ZCCHC7: variants seen among roughly 807,000 people sequenced by gnomAD.
ZCCHC7 encodes zinc finger CCHC domain-containing protein 7.
Under a neutral mutation model 52.0 loss-of-function variants are expected in ZCCHC7, and 35 were observed. The observed-to-expected ratio is 0.67, with a 90% CI of 0.51 to 0.89. ZCCHC7 has a LOEUF of 0.89. Among genes scored for constraint, ZCCHC7 ranks in the 40% least tolerant of loss-of-function variants. The probability of loss-of-function intolerance (pLI) is 0.00; values close to 1 mark genes in which losing one functional copy is unlikely to be tolerated. For missense variants in ZCCHC7, 574 were observed against 649.1 expected (o/e 0.88, Z 1.26); for synonymous variants, 217 against 221.5 (o/e 0.98, Z 0.18).
At chr9:37,224,789 C>T (rs946754889) in intron 2 of ZCCHC7, among the ~76,000 whole-genome samples, 7 of 152,194 alleles carry the variant, frequency 4.6e-5, no homozygotes, top group Non-Finnish European at 8.8e-5. Flanking sequence ...CTCCACAAAA[C>T]TCAATGAACC....
chr9:37,218,238 A>C (rs1279691752), intron 2 of ZCCHC7, among the ~76,000 whole-genome samples: 1 of 152,200 alleles, frequency 6.6e-6, no homozygotes, highest in Non-Finnish European at 1.5e-5. Flanking sequence ...GCAAAAAAAA[A>C]ATCTTTGTGG....
rs1564240432 is a variant in ZCCHC7, at chr9:37,304,183, C to G, written c.655-5C>G. ...TTTTTAATTCTTGATTTTTTTTTCC[C>G]TTAGGCCCAGATAGCTAATAACCGA... On this transcript the variant is annotated splice_region_variant and splice_polypyrimidine_tract_variant and intron_variant, in intron 3 of 8. Transcript: ENST00000336755. The G allele has an allele frequency of 6.3e-7, 1 of 1,589,320 alleles. No individual in the cohort carries two copies. The highest frequency in any genetic ancestry group is 8.5e-7 in the Non-Finnish European group (1 of 1,171,434).
chr9:37,159,913 CA>C (rs1250275244), intron 2 of ZCCHC7, among the ~76,000 whole-genome samples: 1 of 152,158 alleles, frequency 6.6e-6, no homozygotes, highest in South Asian at 2.1e-4. Flanking sequence ...AGACTAGGCT[CA>C]AAACTTAAAC....
chr9:37,136,998 G>C (rs1843023914), intron 2 of ZCCHC7, among the ~76,000 whole-genome samples: 1 of 152,060 alleles, frequency 6.6e-6, no homozygotes, highest in Non-Finnish European at 1.5e-5. Flanking sequence ...GACATTTTAT[G>C]ATCTGCTAGT....
chr9:37,332,859 T>G (rs2118287728), intron 6 of ZCCHC7, among the ~76,000 whole-genome samples: 1 of 151,788 alleles, frequency 6.6e-6, no homozygotes, highest in African/African-American at 2.4e-5. Flanking sequence ...TTTCCTCACA[T>G]AACATTTCCT....
At chr9:37,328,858 T>C (rs1830348484) in intron 6 of ZCCHC7, among the ~76,000 whole-genome samples, 1 of 151,984 alleles carries the variant, frequency 6.6e-6, no homozygotes, top group African/African-American at 2.4e-5. Flanking sequence ...ACCATTTAAT[T>C]TTTTTAAAGA....
chr9:37,290,506 G>A (rs1828483366), intron 2 of ZCCHC7, among the ~76,000 whole-genome samples: 1 of 151,982 alleles, frequency 6.6e-6, no homozygotes, highest in Admixed American at 6.6e-5. Context: ...AAATACTAAA[G>A]TTAGCCAAGT....
intron 2 of ZCCHC7, among the ~76,000 whole-genome samples, chr9:37,246,641 A>G (rs1826092508): frequency 6.6e-6 from 1 of 152,144 alleles, no homozygotes; most frequent in Non-Finnish European, 1.5e-5. Flanking sequence ...TTCTAAATTG[A>G]CATATTAAAA....
At chr9:37,189,435 G>A (rs1052479261) in intron 2 of ZCCHC7, among the ~76,000 whole-genome samples, 1 of 152,158 alleles carries the variant, frequency 6.6e-6, no homozygotes, top group South Asian at 2.1e-4. Flanking sequence ...TGCCCAGGCT[G>A]GAGTGCAACA....
chr9:37,303,112 G>T (rs1829112092), intron 3 of ZCCHC7, among the ~76,000 whole-genome samples: 2 of 152,126 alleles, frequency 1.3e-5, no homozygotes, highest in South Asian at 4.1e-4. Flanking sequence ...AAAACATGGT[G>T]TACATTCAGT....
intron 2 of ZCCHC7, among the ~76,000 whole-genome samples, chr9:37,156,548 G>A (rs536902789): frequency 6.6e-6 from 1 of 152,286 alleles, no homozygotes; most frequent in Admixed American, 6.5e-5. Flanking sequence ...TAGCAGGATA[G>A]CCCAAATGGC....
chr9:37,324,996 C>T (rs1329372926), intron 5 of ZCCHC7, among the ~76,000 whole-genome samples: 1 of 152,122 alleles, frequency 6.6e-6, no homozygotes, highest in East Asian at 1.9e-4. Context: ...TGCACTAAGC[C>T]GTTGTTCTCG....
At chr9:37,296,082 A>G (rs931883572) in intron 2 of ZCCHC7, among the ~76,000 whole-genome samples, 1 of 152,134 alleles carries the variant, frequency 6.6e-6, no homozygotes, top group Admixed American at 6.5e-5. Flanking sequence ...ATAAACCACA[A>G]TTACTTTTGC....
intron 2 of ZCCHC7, among the ~76,000 whole-genome samples, chr9:37,130,125 G>C (rs543740744): frequency 1.3e-5 from 2 of 151,658 alleles, no homozygotes; most frequent in South Asian, 4.2e-4. Flanking sequence ...TGTAATCCCA[G>C]CTACTTGGGA....
intron 2 of ZCCHC7, among the ~76,000 whole-genome samples, chr9:37,154,224 G>A (rs1424731640): frequency 6.6e-6 from 1 of 152,102 alleles, no homozygotes; most frequent in Non-Finnish European, 1.5e-5. Flanking sequence ...GAGTGGAGGG[G>A]TGTCAACTCT....
chr9:37,168,002 G>A (rs1821521475), intron 2 of ZCCHC7, among the ~76,000 whole-genome samples: 1 of 152,080 alleles, frequency 6.6e-6, no homozygotes, highest in Admixed American at 6.5e-5. Flanking sequence ...AGATCTGTGG[G>A]AGTATTTCTC....
intron 2 of ZCCHC7, among the ~76,000 whole-genome samples, chr9:37,164,268 C>A (rs537914303): frequency 6.6e-6 from 1 of 152,048 alleles, no homozygotes; most frequent in African/African-American, 2.4e-5. Context: ...ATGGCAAAAC[C>A]CCATCTCTGT....
At chr9:37,180,572 T>A (rs1822297848) in intron 2 of ZCCHC7, among the ~76,000 whole-genome samples, 1 of 152,164 alleles carries the variant, frequency 6.6e-6, no homozygotes, top group African/African-American at 2.4e-5. Context: ...ATTTTGAACA[T>A]GCCACTTATT....
chr9:37,215,526 T>G (rs1324629801), intron 2 of ZCCHC7, among the ~76,000 whole-genome samples: 2 of 152,194 alleles, frequency 1.3e-5, no homozygotes, highest in African/African-American at 2.4e-5. Flanking sequence ...ACTTAATAGG[T>G]TATTAAAATT....
Sources: gnomAD v4.1 joint callset for allele counts (sites outside exome capture counted in the v4.1 genomes callset) on GRCh38, gnomAD v4.1.1 for gene constraint, MANE v1.5 for transcripts, NCBI Gene and HGNC (gene_info 2026-07-23, HGNC 2026-07-21) for gene names.